Variants in ARHGAP42 observed in about 807,000 individuals in gnomAD.
ARHGAP42 encodes rho GTPase-activating protein 42.
A neutral mutation model predicts 125.0 loss-of-function variants in ARHGAP42; 63 were observed. The ratio of observed to expected loss-of-function variants is 0.50; its 90% CI spans 0.41 to 0.62. ARHGAP42 has a LOEUF of 0.62. ARHGAP42 is among the 20% of genes least tolerant of loss of function. The pLI, the probability that ARHGAP42 is intolerant of heterozygous loss-of-function variation, is 0.00. For synonymous variants in ARHGAP42, 339 were observed against 351.0 expected, an observed-to-expected ratio of 0.97 and a Z score of 0.38; for missense variants, 766 against 1,024.2, an observed-to-expected ratio of 0.75 and a Z score of 3.44.
chr11:100,992,564 A>G lies in ARHGAP42; in HGVS notation c.*3763A>G, dbSNP rs758280743. On this transcript the variant is annotated 3_prime_UTR_variant, in exon 24 of 24. Transcript: ENST00000298815. Reference sequence around the variant, plus strand: ...TCTCCTGTTGATTCGCAGATGTAATATCGAGTATTCATCAACTGGTCTCAA... The same window carrying G: ...TCTCCTGTTGATTCGCAGATGTAATGTCGAGTATTCATCAACTGGTCTCAA... 8 of 1,613,994 alleles carry G rather than the reference A, an allele frequency of 5.0e-6. No homozygotes were observed. Among genetic ancestry groups the G allele is most frequent in the Non-Finnish European group, 6.8e-6 (8 of 1,179,994 alleles).
intron 4 of ARHGAP42, among the ~76,000 whole-genome samples, chr11:100,864,683 G>T (rs1865525240): frequency 6.6e-6 from 1 of 152,168 alleles, no homozygotes. Flanking sequence ...TCAGAACTCA[G>T]TTCCTCAGAC....
intron 2 of ARHGAP42, among the ~76,000 whole-genome samples, chr11:100,771,000 C>G (rs1433870086): frequency 6.6e-6 from 1 of 152,166 alleles, no homozygotes; most frequent in African/African-American, 2.4e-5. Context: ...ATTATTCGTT[C>G]AAACAAATAT....
chr11:100,888,059 T>G (rs950326087), intron 4 of ARHGAP42, among the ~76,000 whole-genome samples: 2 of 152,208 alleles, frequency 1.3e-5, no homozygotes, highest in Admixed American at 1.3e-4. Flanking sequence ...AAAAATTGTT[T>G]CATTATTTAA....
rs1866631772 is a variant in ARHGAP42, at chr11:100,903,712, ATATATATATAT to A, written c.385-9739_385-9729del. On this transcript the variant is annotated intron_variant, in intron 4 of 23. Coordinates refer to ENST00000298815, the MANE Select transcript of ARHGAP42 (RefSeq NM_152432.4). ...TATATATATACATGTCCCTCAAAAT[ATATATATATAT>A]ATATATATATATATATATATATATA... 1.7e-3 allele frequency among the ~76,000 whole-genome samples: 56 copies of A among 33,402 alleles called. 2 individuals are homozygous for A. The highest frequency in any genetic ancestry group is 2.9e-3 in the African/African-American group (38 of 13,178). The allele number at this position is 33,402 out of a possible 152,430, so 21.9% of individuals were successfully genotyped here.
At chr11:100,881,171 C>A (rs991365957) in intron 4 of ARHGAP42, among the ~76,000 whole-genome samples, 6 of 152,152 alleles carry the variant, frequency 3.9e-5, no homozygotes, top group Non-Finnish European at 7.3e-5. Context: ...AAGCCAATCT[C>A]TAGAAGAGTT....
intron 3 of ARHGAP42, among the ~76,000 whole-genome samples, chr11:100,799,281 A>G (rs571514402): frequency 2.0e-5 from 3 of 152,214 alleles, no homozygotes; most frequent in Non-Finnish European, 4.4e-5. Context: ...ATTAGCCTAC[A>G]TGGGTCTAGT....
chr11:100,921,435 G>C, intron 5 of ARHGAP42, 59 bp from the exon 6 acceptor site: 1 of 1,231,468 alleles, frequency 8.1e-7, no homozygotes, highest in Non-Finnish European at 1.1e-6. Flanking sequence ...ACCAGAGCAG[G>C]AATTGAGTCC....
chr11:100,783,471 GT>G (rs1244438153), intron 2 of ARHGAP42, among the ~76,000 whole-genome samples: 1 of 152,128 alleles, frequency 6.6e-6, no homozygotes, highest in African/African-American at 2.4e-5. Flanking sequence ...CAGTAGACTT[GT>G]GGTATATGCA....
intron 1 of ARHGAP42, among the ~76,000 whole-genome samples, chr11:100,729,614 C>T (rs923466040): frequency 6.6e-6 from 1 of 151,980 alleles, no homozygotes; most frequent in Non-Finnish European, 1.5e-5. Context: ...GTCCATGTAC[C>T]TAATTTGCAT....
intron 6 of ARHGAP42, among the ~76,000 whole-genome samples, chr11:100,932,602 A>G (rs772783035): frequency 2.0e-5 from 3 of 152,204 alleles, no homozygotes; most frequent in Non-Finnish European, 2.9e-5. Flanking sequence ...ATCTAGTTCA[A>G]TGATTTTGCT....
At chr11:100,960,449 G>A (rs1382849566) in intron 13 of ARHGAP42, among the ~76,000 whole-genome samples, 1 of 152,006 alleles carries the variant, frequency 6.6e-6, no homozygotes, top group Non-Finnish European at 1.5e-5. Context: ...ATTGGGTTTT[G>A]GAGTTCCATA....
intron 1 of ARHGAP42, among the ~76,000 whole-genome samples, chr11:100,690,369 C>T (rs541998462): frequency 2.6e-5 from 4 of 152,082 alleles, no homozygotes; most frequent in African/African-American, 7.2e-5. Context: ...TAACTTTTCC[C>T]GTGAGAGTTT....
At chr11:100,713,480 C>T (rs1565538112) in intron 1 of ARHGAP42, among the ~76,000 whole-genome samples, 1 of 152,160 alleles carries the variant, frequency 6.6e-6, no homozygotes, top group East Asian at 1.9e-4. Flanking sequence ...AGGCTGTTTC[C>T]TCTATTTTAA....
At chr11:100,826,936 G>T (rs990849155) in intron 3 of ARHGAP42, among the ~76,000 whole-genome samples, 2 of 151,764 alleles carry the variant, frequency 1.3e-5, no homozygotes, top group Non-Finnish European at 2.9e-5. Flanking sequence ...AAAGAGGAGG[G>T]TGGCAACGGG....
chr11:100,778,431 C>G lies in ARHGAP42; in HGVS notation c.250+7993C>G, dbSNP rs193116043. Among the ~76,000 whole-genome samples the G allele has an allele frequency of 9.3e-4, 142 of 152,038 alleles. 1 individual carries two copies. Among genetic ancestry groups the G allele is most frequent in the Non-Finnish European group, 1.8e-4 (12 of 68,012 alleles). ...AATGTGGTTATATAAATCAGGAAGT[C>G]GTGTATTAAAGTGGAACATTTCTAA... On this transcript the variant is annotated intron_variant, in intron 2 of 23. Coordinates refer to ENST00000298815, the MANE Select transcript of ARHGAP42 (RefSeq NM_152432.4).
Position 100,969,081 on chromosome 11 carries a change from A to C in ARHGAP42, c.1550+3305A>C, listed in dbSNP as rs528944905. Among the ~76,000 whole-genome samples the C allele has an allele frequency of 3.3e-5, 5 of 152,278 alleles. No homozygotes were observed. The East Asian group carries it at 9.6e-4, about 29-fold the overall frequency. On this transcript the variant is annotated intron_variant, in intron 17 of 23. Transcript: ENST00000298815. ...AGTTCTCTCAATTTTTGTTTTCCTG[A>C]AAATGCCTTTATTTCACCTTCCTTT...
Position 100,687,593 on chromosome 11 carries a change from C to T in ARHGAP42, c.-86C>T. On this transcript the variant is annotated 5_prime_UTR_variant, in exon 1 of 24. Coordinates refer to ENST00000298815, the MANE Select transcript of ARHGAP42 (RefSeq NM_152432.4). ...GGCGCCTTCCCCGCGATCGCGCGAC[C>T]CCAGCGCCCGCCGCGGCCGCCGGCT... 1.8e-6 allele frequency: 2 copies of T among 1,112,020 alleles called. No homozygotes were observed. The highest frequency in any genetic ancestry group is 4.4e-5 in the South Asian group (1 of 22,570). 68.9% of individuals were successfully genotyped at this position (1,112,020 alleles called of 1,614,324 possible).
chr11:100,927,801 C>A (rs773138658), intron 6 of ARHGAP42, among the ~76,000 whole-genome samples: 2 of 152,130 alleles, frequency 1.3e-5, no homozygotes, highest in Non-Finnish European at 2.9e-5. Flanking sequence ...AGTGCTGAGG[C>A]GATGCATGGC....
Position 100,982,791 on chromosome 11 carries a change from T to TACAAA in ARHGAP42, c.2456+3742_2456+3743insACAAA, listed in dbSNP as rs558621392. On this transcript the variant is annotated intron_variant, in intron 22 of 23. Transcript: ENST00000298815. ...TTATCAAATTTTAAAAGACAAATATTTTGCTTAGAATTACAAAGGACAAAA... is the reference window on the plus strand; with the variant it reads ...TTATCAAATTTTAAAAGACAAATATTACAAATTGCTTAGAATTACAAAGGACAAAA... Among the ~76,000 whole-genome samples, 200 of 152,258 alleles carry TACAAA rather than the reference T, an allele frequency of 1.3e-3. 2 individuals carry two copies. Among genetic ancestry groups the TACAAA allele is most frequent in the African/African-American group, 4.3e-3 (178 of 41,532 alleles).
Sources: allele counts gnomAD v4.1 joint callset (sites outside exome capture counted in the v4.1 genomes callset), GRCh38; gene constraint gnomAD v4.1.1; transcripts MANE v1.5; gene names NCBI Gene and HGNC (gene_info 2026-07-23, HGNC 2026-07-21).